TSKU: variants seen among roughly 807,000 people sequenced by gnomAD.
The protein encoded by TSKU is tsukushi.
TSKU carries 4 observed loss-of-function variants against 11.2 expected under a neutral mutation model. The ratio of observed to expected loss-of-function variants is 0.36; its 90% confidence interval spans 0.18 to 0.82. The LOEUF (loss-of-function observed/expected upper bound fraction) is 0.82. TSKU is among the 40% of genes least tolerant of loss of function. The pLI is 0.50. For missense variants in TSKU, 407 were observed against 482.5 expected, an observed-to-expected ratio of 0.84 and a Z score of 1.47; for synonymous variants, 220 against 232.2, an observed-to-expected ratio of 0.95 and a Z score of 0.48.
Position 76,796,463 on chromosome 11 carries a change from G to C in TSKU, c.847G>C (p.Glu283Gln). The C allele has an allele frequency of 6.2e-7, 1 of 1,613,364 alleles. No individual in the cohort carries two copies. Among genetic ancestry groups the C allele is most frequent in the Non-Finnish European group, 8.5e-7 (1 of 1,179,886 alleles). ...EVFSGLSSLQ[E>Q]LDLSGTNLVP... ...GTTTTCAGGCCTGAGCTCCCTGCAG[G>C]AGCTGGACCTTTCGGGCACCAACCT... Residue 283 changes from glutamate to glutamine, a missense_variant, in exon 2 of 2, where the codon GAG (glutamate) becomes CAG (glutamine). Transcript: ENST00000333090. This position sits in a 1 kb window ranked among gnomAD's most constrained non-coding sequence, Gnocchi z 4.1.
chr11:76,788,986 T>C (rs1944338915), intron 1 of TSKU, among the ~76,000 whole-genome samples: 1 of 152,100 alleles, frequency 6.6e-6, no homozygotes, highest in Admixed American at 6.5e-5. Context: ...CAGAACAGGC[T>C]TTGTTTTGCT....
chr11:76,783,997 G>A (rs2134380803), intron 1 of TSKU, among the ~76,000 whole-genome samples: 3 of 147,800 alleles, frequency 2.0e-5, no homozygotes, highest in Admixed American at 2.0e-4. Flanking sequence ...CCTCCCCACC[G>A]CTACCCGGCC....
intron 1 of TSKU, among the ~76,000 whole-genome samples, chr11:76,790,546 T>C (rs760146612): frequency 4.6e-5 from 7 of 152,192 alleles, no homozygotes; most frequent in Non-Finnish European, 7.3e-5. Context: ...AATCTGAACT[T>C]GAATTGTATC....
chr11:76,790,662 G>A (rs1335402539), intron 1 of TSKU, among the ~76,000 whole-genome samples: 3 of 152,144 alleles, frequency 2.0e-5, no homozygotes, highest in Non-Finnish European at 4.4e-5. Context: ...TGTAAGAAGT[G>A]CGTTTTGCCC....
At position 76,796,615 on chromosome 11, in the gene TSKU, C is replaced by A; in HGVS notation, c.999C>A (p.Pro333=). 1 of 1,490,566 alleles carries A rather than the reference C, an allele frequency of 6.7e-7. No homozygotes were observed. The highest frequency in any genetic ancestry group is 2.4e-5 in the East Asian group (1 of 40,892). The allele number at this position is 1,490,566 out of a possible 1,614,324, so 92.3% of individuals were successfully genotyped here. A position where few individuals can be genotyped will look rare whatever the true frequency, so the allele number is the denominator to read the frequency against. The stretch of plus-strand genomic sequence containing the variant: ...ACCCCCGGAGGCCTGGCTCCAGCCC[C>A]AAGGTGGCCCTGCACTGCGTAGACA... The part of the protein sequence containing the change: ...GTYPRRPGSS[P]KVALHCVDTR... Residue 333 remains proline, a synonymous_variant, in exon 2 of 2, where the codon CCC becomes CCA. Transcript: ENST00000333090. The surrounding 1 kb of genome is among the most constrained non-coding windows in gnomAD (Gnocchi z 4.1).
intron 1 of TSKU, among the ~76,000 whole-genome samples, chr11:76,795,064 G>T (rs1009222085): frequency 6.6e-6 from 1 of 152,222 alleles, no homozygotes; most frequent in Non-Finnish European, 1.5e-5. Flanking sequence ...CGACCATGCT[G>T]TGGGGCAGCC....
At chr11:76,783,248 G>C (rs895577815), upstream of TSKU, 1 of 150,076 alleles carries the variant, frequency 6.7e-6, no homozygotes, top group African/African-American at 2.4e-5. Flanking sequence ...CCCCGCGGCC[G>C]GCCCGAGCCG....
chr11:76,793,421 C>T (rs1028111756), intron 1 of TSKU, among the ~76,000 whole-genome samples: 1 of 152,122 alleles, frequency 6.6e-6, no homozygotes, highest in African/African-American at 2.4e-5. Context: ...TCCCCTCTGG[C>T]GGGATAGCAT....
chr11:76,790,354 C>T (rs148837183), intron 1 of TSKU, among the ~76,000 whole-genome samples: 203 of 152,280 alleles, frequency 1.3e-3, no homozygotes, highest in African/African-American at 4.2e-3. Flanking sequence ...GGGAAGTAGT[C>T]GGTGACTGTG....
intron 1 of TSKU, among the ~76,000 whole-genome samples, chr11:76,791,221 C>T (rs1020920824): frequency 1.3e-5 from 2 of 152,088 alleles, no homozygotes; most frequent in Admixed American, 6.5e-5. Context: ...AAAGGCATTC[C>T]GTTTTATAAG....
intron 1 of TSKU, among the ~76,000 whole-genome samples, chr11:76,786,975 TCCCTG>T (rs1944318703): frequency 6.6e-6 from 1 of 152,146 alleles, no homozygotes; most frequent in African/African-American, 2.4e-5. Context: ...ACCTTTTTCT[TCCCTG>T]GTCCCTGAAA....
At position 76,795,694 on chromosome 11, in the gene TSKU, C is replaced by G. The variant is rs7945821; in HGVS notation, c.78C>G (p.Cys26Trp). 1.2e-6 allele frequency: 2 copies of G among 1,614,112 alleles called. No homozygotes were observed. The highest frequency in any genetic ancestry group is 3.3e-5 in the Admixed American group (2 of 60,032). The change falls in exon 2 of 2, where the codon TGC (cysteine) becomes TGG (tryptophan). Residue 26 changes from cysteine to tryptophan, a missense_variant. By Grantham distance (215) the Cys-to-Trp change is radical (BLOSUM62 -2). Coordinates refer to ENST00000333090, the MANE Select transcript of TSKU (RefSeq NM_015516.4). ...TTRPCFPGCQ[C>W]EVETFGLFDS... ...GGCCATGCTTCCCCGGGTGCCAATG[C>G]GAGGTGGAGACCTTCGGCCTTTTCG...
At chr11:76,789,460 G>T (rs1944343346) in intron 1 of TSKU, among the ~76,000 whole-genome samples, 2 of 152,212 alleles carry the variant, frequency 1.3e-5, no homozygotes. Context: ...GGGGAGACCT[G>T]CCTGGAGCCT....
At chr11:76,784,900 C>T (rs1442772846) in intron 1 of TSKU, among the ~76,000 whole-genome samples, 2 of 152,204 alleles carry the variant, frequency 1.3e-5, no homozygotes, top group Non-Finnish European at 2.9e-5. Context: ...GGGCACAGGC[C>T]GCTAACCTGG....
rs1358772274 is a variant in TSKU, at chr11:76,796,144, C to A, written c.528C>A (p.Pro176=). 5 of 1,613,778 alleles carry A rather than the reference C, an allele frequency of 3.1e-6. No individual in the cohort carries two copies. Among genetic ancestry groups the A allele is most frequent in the Admixed American group, 3.3e-5 (2 of 60,030 alleles). The change falls in exon 2 of 2, where the codon CCC becomes CCA. Residue 176 remains proline, a synonymous_variant. Transcript: ENST00000333090. This position sits in a 1 kb window ranked among gnomAD's most constrained non-coding sequence, Gnocchi z 4.1. ...TCATTCACCGCCTCGTGCCCCACCC[C>A]ACGAGGGCCGGCCTGCCTGCGCCCA... The part of the protein sequence containing the change: ...HNLIHRLVPH[P]TRAGLPAPTI...
chr11:76,783,501 G>T (rs1276449096), intron 1 of TSKU, 97 bp downstream of exon 1: 1 of 152,208 alleles, frequency 6.6e-6, no homozygotes, highest in East Asian at 1.9e-4. Flanking sequence ...AGGGCGGGCT[G>T]GGGACGCCGG....
chr11:76,795,736 T>C lies in TSKU; in HGVS notation c.120T>C (p.Thr40=). ...GCCTTTTCGACAGCTTCAGCCTGAC[T>C]CGGGTGGATTGTAGCGGCCTGGGCC... ...TFGLFDSFSL[T]RVDCSGLGPH... is the part of the protein sequence containing the mutation. Residue 40 remains threonine (T), a synonymous_variant, in exon 2 of 2, where the codon ACT becomes ACC. Coordinates refer to ENST00000333090, the MANE Select transcript of TSKU (RefSeq NM_015516.4). 6.2e-7 allele frequency: 1 copy of C among 1,614,168 alleles called. No individual in the cohort carries two copies. Among genetic ancestry groups the C allele is most frequent in the Non-Finnish European group, 8.5e-7 (1 of 1,180,032 alleles).
Position 76,796,727 on chromosome 11 carries a change from C to T in TSKU, c.*49C>T. 2 of 1,376,312 alleles carry T rather than the reference C, an allele frequency of 1.5e-6. No homozygotes were observed. Among genetic ancestry groups the T allele is most frequent in the Non-Finnish European group, 1.9e-6 (2 of 1,043,186 alleles). The allele number at this position is 1,376,312 out of a possible 1,614,324, so 85.3% of individuals were successfully genotyped here. The stretch of plus-strand genomic sequence containing the variant: ...ATAACAGACTGCTGTCCTGGGCTGC[C>T]TCAGGTCCCGAGTAACTTATGTTCA... On this transcript the variant is annotated 3_prime_UTR_variant, in exon 2 of 2. Transcript: ENST00000333090. The surrounding 1 kb of genome is among the most constrained non-coding windows in gnomAD (Gnocchi z 4.1).
intron 1 of TSKU, among the ~76,000 whole-genome samples, chr11:76,784,750 G>A (rs11825245): frequency 1.5e-4 from 21 of 139,086 alleles, no homozygotes; most frequent in Non-Finnish European, 2.9e-4. Flanking sequence ...CGGAGGTGGG[G>A]GGGGGGGGGT....
Sources: gnomAD v4.1 joint callset for allele counts (sites outside exome capture counted in the v4.1 genomes callset) on GRCh38, gnomAD v4.1.1 for gene constraint, Gnocchi (gnomAD v3.1) non-coding constraint, MANE v1.5 for transcripts, NCBI Gene and HGNC (gene_info 2026-07-23, HGNC 2026-07-21) for gene names.